The following KCTD16 variants were observed in gnomAD, a reference collection of about 807,000 sequenced individuals.
The protein encoded by KCTD16 is BTB/POZ domain-containing protein KCTD16.
KCTD16 carries 13 observed loss-of-function variants against 33.2 expected under a neutral mutation model. The observed-to-expected ratio is 0.39, with a 90% confidence interval of 0.25 to 0.62. The LOEUF (loss-of-function observed/expected upper bound fraction) is 0.62. Among genes scored for constraint, KCTD16 ranks in the 20% least tolerant of loss-of-function variants. The pLI is 0.50. For synonymous variants in KCTD16, 197 were observed against 195.3 expected (o/e 1.01, Z -0.07); for missense variants, 441 against 525.1 (o/e 0.84, Z 1.57).
chr5:144,341,402 G>A (rs779936211), intron 3 of KCTD16, among the ~76,000 whole-genome samples: 1 of 152,054 alleles, frequency 6.6e-6, no homozygotes, highest in East Asian at 1.9e-4. Context: ...TTAGGCAATG[G>A]ATCTAAAAAG....
At chr5:144,365,155 C>A (rs749464492) in intron 3 of KCTD16, among the ~76,000 whole-genome samples, 1 of 151,858 alleles carries the variant, frequency 6.6e-6, no homozygotes, top group Admixed American at 6.6e-5. Flanking sequence ...CAGGACAAAT[C>A]TTTTTATACT....
At chr5:144,409,326 T>G (rs1344932510) in intron 3 of KCTD16, among the ~76,000 whole-genome samples, 1 of 152,206 alleles carries the variant, frequency 6.6e-6, no homozygotes, top group Non-Finnish European at 1.5e-5. Context: ...CATAAAAAAC[T>G]TGCCACAAAA....
chr5:144,388,172 C>CG (rs752991048), intron 3 of KCTD16, among the ~76,000 whole-genome samples: 7 of 149,060 alleles, frequency 4.7e-5, no homozygotes, highest in Non-Finnish European at 8.9e-5. Context: ...CTCCGCCTCC[C>CG]GGGTTCACGC....
chr5:144,287,903 G>T (rs2126859838), intron 3 of KCTD16, among the ~76,000 whole-genome samples: 1 of 152,090 alleles, frequency 6.6e-6, no homozygotes, highest in African/African-American at 2.4e-5. Flanking sequence ...CAAAGTGTTG[G>T]GATTACAGGC....
intron 3 of KCTD16, among the ~76,000 whole-genome samples, chr5:144,438,259 A>G (rs1162823539): frequency 6.6e-6 from 1 of 152,192 alleles, no homozygotes; most frequent in Non-Finnish European, 1.5e-5. Flanking sequence ...TAGTCAAGAT[A>G]TTTTCATTTT....
At chr5:144,283,189 T>G (rs1755653171) in intron 3 of KCTD16, among the ~76,000 whole-genome samples, 1 of 152,182 alleles carries the variant, frequency 6.6e-6, no homozygotes, top group Admixed American at 6.5e-5. Flanking sequence ...CTAATGCTAC[T>G]AATTACATCT....
At chr5:144,258,818 A>G (rs544119658) in intron 3 of KCTD16, among the ~76,000 whole-genome samples, 1 of 152,248 alleles carries the variant, frequency 6.6e-6, no homozygotes, top group African/African-American at 2.4e-5. Flanking sequence ...CATTTTATAG[A>G]TGAGGAAATG....
chr5:144,250,103 G>A (rs907561348), intron 3 of KCTD16, among the ~76,000 whole-genome samples: 15 of 152,122 alleles, frequency 9.9e-5, no homozygotes, highest in Non-Finnish European at 2.1e-4. Flanking sequence ...CAGGAAACAT[G>A]CTTCTTTTCA....
At chr5:144,368,176 C>A (rs1345063473) in intron 3 of KCTD16, among the ~76,000 whole-genome samples, 2 of 152,064 alleles carry the variant, frequency 1.3e-5, no homozygotes, top group Non-Finnish European at 1.5e-5. Flanking sequence ...TCCCTTTGAC[C>A]TTTGTACCTG....
intron 3 of KCTD16, among the ~76,000 whole-genome samples, chr5:144,342,143 T>G (rs1752664770): frequency 6.6e-6 from 1 of 152,156 alleles, no homozygotes; most frequent in South Asian, 2.1e-4. Context: ...GGGATGGCAT[T>G]GAATCTATAA....
chr5:144,217,314 T>A (rs540390123), intron 3 of KCTD16, among the ~76,000 whole-genome samples: 1 of 152,224 alleles, frequency 6.6e-6, no homozygotes, highest in Non-Finnish European at 1.5e-5. Context: ...ACTAATTTTC[T>A]TTCTAGTCAA....
At position 144,345,892 on chromosome 5, in the gene KCTD16, T is replaced by C. The variant is rs1415574154; in HGVS notation, c.833-127768T>C. Among the ~76,000 whole-genome samples the C allele has an allele frequency of 2.6e-5, 4 of 152,166 alleles. No homozygotes were observed. In the East Asian group the frequency reaches 7.7e-4, roughly 29 times the overall value. ...CTTTAAGTTATTTAAAAATGGACAA[T>C]TAAGTTATTATTGACTATAGTAAAC... On this transcript the variant is annotated intron_variant, in intron 3 of 3. Coordinates refer to ENST00000512467, the MANE Select transcript of KCTD16 (RefSeq NM_020768.4).
chr5:144,397,410 A>C (rs1428985130), intron 3 of KCTD16, among the ~76,000 whole-genome samples: 1 of 152,184 alleles, frequency 6.6e-6, no homozygotes, highest in African/African-American at 2.4e-5. Flanking sequence ...TTATAGCAGC[A>C]TGATTTATAA....
chr5:144,301,228 G>A (rs554853254), intron 3 of KCTD16, among the ~76,000 whole-genome samples: 20 of 131,550 alleles, frequency 1.5e-4, no homozygotes, highest in African/African-American at 5.6e-4. Flanking sequence ...GTGACAGAGC[G>A]AGATTCCATC....
chr5:144,338,105 T>G (rs1752537510), intron 3 of KCTD16, among the ~76,000 whole-genome samples: 2 of 152,188 alleles, frequency 1.3e-5, no homozygotes, highest in Non-Finnish European at 2.9e-5. Context: ...TCGGACTTTC[T>G]TCCCCATCGT....
chr5:144,221,244 A>G (rs961551465), intron 3 of KCTD16, among the ~76,000 whole-genome samples: 1 of 152,168 alleles, frequency 6.6e-6, no homozygotes, highest in Non-Finnish European at 1.5e-5. Flanking sequence ...TGCGTAATGA[A>G]GAAGAGAGAC....
At chr5:144,405,959 C>G (rs1035897957) in intron 3 of KCTD16, among the ~76,000 whole-genome samples, 1 of 152,124 alleles carries the variant, frequency 6.6e-6, no homozygotes, top group Non-Finnish European at 1.5e-5. Flanking sequence ...GGATGAAAAA[C>G]AAAGCCATCA....
chr5:144,254,178 C>T (rs1754780315), intron 3 of KCTD16, among the ~76,000 whole-genome samples: 1 of 151,942 alleles, frequency 6.6e-6, no homozygotes, highest in South Asian at 2.1e-4. Context: ...CGCTCTGTCG[C>T]CCAGGCTGTC....
chr5:144,391,997 T>C (rs1451258822), intron 3 of KCTD16, among the ~76,000 whole-genome samples: 9 of 152,202 alleles, frequency 5.9e-5, no homozygotes, highest in Admixed American at 5.9e-4. Flanking sequence ...CTTCTCTTGG[T>C]GAATTTACAG....
Sources: gnomAD v4.1 joint callset for allele counts (sites outside exome capture counted in the v4.1 genomes callset) on GRCh38, gnomAD v4.1.1 for gene constraint, MANE v1.5 for transcripts, NCBI Gene and HGNC (gene_info 2026-07-23, HGNC 2026-07-21) for gene names.